FMO3: variants seen among roughly 807,000 people sequenced by gnomAD.
FMO3 encodes the protein flavin containing dimethylaniline monoxygenase 3, also known as flavin-containing monooxygenase 3.
In FMO3, 40 loss-of-function variants were observed where a neutral mutation model predicts 39.4. That is an observed-to-expected ratio of 1.02 (90% CI 0.79 to 1.32). FMO3 has a LOEUF of 1.32. Among genes scored for constraint, FMO3 ranks in the 40% most tolerant of loss-of-function variants. FMO3 has a pLI of 0.00. For synonymous variants in FMO3, 219 were observed against 228.8 expected, an observed-to-expected ratio of 0.96 and a Z score of 0.39; for missense variants, 680 against 651.8, an observed-to-expected ratio of 1.04 and a Z score of -0.47.
Position 171,117,685 on chromosome 1 carries a change from CAGA to C in FMO3, c.*245_*247del, listed in dbSNP as rs1656225438. 2.4e-6 allele frequency: 1 copy of C among 413,152 alleles called. No individual in the cohort carries two copies. The highest frequency in any genetic ancestry group is 2.0e-5 in the African/African-American group (1 of 49,532). 25.6% of individuals were successfully genotyped at this position (413,152 alleles called of 1,614,324 possible). A position where few individuals can be genotyped will look rare whatever the true frequency, so the allele number is the denominator to read the frequency against. On this transcript the variant is annotated 3_prime_UTR_variant, in exon 9 of 9. Transcript: ENST00000367755. ...TTGAGTTCCACTAACACTTCAAAATCAGAACTATGTTCTTTATATCTAACTTAA... is the reference window on the plus strand; with the variant it reads ...TTGAGTTCCACTAACACTTCAAAATCACTATGTTCTTTATATCTAACTTAA...
intron 2 of FMO3, among the ~76,000 whole-genome samples, chr1:171,098,274 G>T (rs968228749): frequency 6.6e-6 from 1 of 152,136 alleles, no homozygotes; most frequent in African/African-American, 2.4e-5. Context: ...GGCAATGCGG[G>T]CTCTTTTTTG....
intron 2 of FMO3, among the ~76,000 whole-genome samples, chr1:171,096,127 A>G (rs1485642170): frequency 1.4e-5 from 1 of 69,280 alleles, no homozygotes; most frequent in East Asian, 4.1e-4. Flanking sequence ...TATTAATAAT[A>G]TAGTAATTAT....
chr1:171,113,336 T>G (rs972134490), intron 6 of FMO3, among the ~76,000 whole-genome samples: 2 of 152,278 alleles, frequency 1.3e-5, no homozygotes. Flanking sequence ...AATTCCTGGG[T>G]GCTCCCTCCT....
chr1:171,097,476 T>C (rs1476721172), intron 2 of FMO3, among the ~76,000 whole-genome samples: 1 of 125,438 alleles, frequency 8.0e-6, no homozygotes, highest in Admixed American at 8.5e-5. Flanking sequence ...TTTTAATGAC[T>C]GCCATTCTAA....
At chr1:171,093,083 T>C (rs1654791064) in intron 2 of FMO3, among the ~76,000 whole-genome samples, 1 of 151,958 alleles carries the variant, frequency 6.6e-6, no homozygotes, top group African/African-American at 2.4e-5. Flanking sequence ...TTTATGTAGT[T>C]ATAATTATTT....
rs1411720859 is a variant in FMO3 at position 171,113,909 on chromosome 1, C to A, written c.828-98C>A. ...ACTCTATGCCTCAGAAAAAAAAAAT[C>A]TTGGGTCATTTTTTCCTTCCTTATC... On this transcript the variant is annotated intron_variant, in intron 6 of 8. Transcript: ENST00000367755. 7.1e-6 allele frequency: 6 copies of A among 847,758 alleles called. No homozygotes were observed. The East Asian group carries it at 8.1e-5, about 11-fold the overall frequency. The allele number at this position is 847,758 out of a possible 1,614,324, so 52.5% of individuals were successfully genotyped here.
chr1:171,099,335 G>T (rs914209689), intron 2 of FMO3, among the ~76,000 whole-genome samples: 2 of 152,124 alleles, frequency 1.3e-5, no homozygotes, highest in Admixed American at 1.3e-4. Flanking sequence ...GTCAATTTTG[G>T]ATTAGGTGTG....
Position 171,114,289 on chromosome 1 carries a change from C to T in FMO3, c.1110C>T (p.Gly370=). ...AGAAGTCAACCATAGCAGTGATTGG[C>T]TTTGTCCAGTCCCTTGGGGCTGCCA... The part of the protein sequence containing the change: ...LLEKSTIAVI[G]FVQSLGAAIP... Residue 370 remains glycine, a synonymous_variant, in exon 7 of 9, where the codon GGC becomes GGT. Transcript: ENST00000367755. The T allele has an allele frequency of 6.2e-7, 1 of 1,613,918 alleles. No homozygotes were observed. Among genetic ancestry groups the T allele is most frequent in the Non-Finnish European group, 8.5e-7 (1 of 1,179,944 alleles).
intron 2 of FMO3, among the ~76,000 whole-genome samples, chr1:171,093,370 T>A (rs920014933): frequency 6.6e-6 from 1 of 152,168 alleles, no homozygotes; most frequent in African/African-American, 2.4e-5. Flanking sequence ...AGTGAGAGAA[T>A]ATGTGGTATT....
intron 2 of FMO3, among the ~76,000 whole-genome samples, chr1:171,096,024 T>TAC (rs1557932938): frequency 4.3e-5 from 2 of 46,330 alleles, no homozygotes; most frequent in African/African-American, 2.6e-4. Flanking sequence ...TATTATATAT[T>TAC]AATATATAAT....
chr1:171,104,079 C>A, intron 3 of FMO3, 106 bp downstream of exon 3: 1 of 862,506 alleles, frequency 1.2e-6, no homozygotes, highest in African/African-American at 1.7e-5. Flanking sequence ...AATTTGTCAA[C>A]ATTTTTAACA....
chr1:171,116,600 T>C (rs1656165258), intron 8 of FMO3, among the ~76,000 whole-genome samples: 1 of 152,142 alleles, frequency 6.6e-6, no homozygotes, highest in Non-Finnish European at 1.5e-5. Context: ...TCAGAGGAGT[T>C]TGGGAACACA....
intron 2 of FMO3, among the ~76,000 whole-genome samples, chr1:171,099,453 TG>T (rs1321314545): frequency 1.3e-5 from 2 of 152,322 alleles, no homozygotes; most frequent in South Asian, 2.1e-4. Context: ...TAGGGCTTTT[TG>T]GTTGTTGTTA....
rs558810841 is a variant in FMO3, at chr1:171,095,811, T to G, written c.132+3021T>G. Among the ~76,000 whole-genome samples, 447 of 114,920 alleles carry G rather than the reference T, an allele frequency of 3.9e-3. 5 individuals carry two copies. Among genetic ancestry groups the G allele is most frequent in the African/African-American group, 0.013 (415 of 31,122 alleles). The allele number at this position is 114,920 out of a possible 152,430, so 75.4% of individuals were successfully genotyped here. On this transcript the variant is annotated intron_variant, in intron 2 of 8. Transcript: ENST00000367755. The stretch of plus-strand genomic sequence containing the variant: ...ATATATAAAAAATATAAATATATAT[T>G]TATATAACTATATAGATTAAATATA...
chr1:171,116,415 A>AT, intron 8 of FMO3, 135 bp downstream of exon 8: 5 of 602,898 alleles, frequency 8.3e-6, no homozygotes, highest in Middle Eastern at 4.5e-4. Context: ...ATATTCATCC[A>AT]TTCAACAAAT....
Position 171,116,378 on chromosome 1 carries a change from A to G in FMO3, c.1256+98A>G. ...TTTTAATCTTAAATTATCCTGAATG[A>G]CATCATTGGAATGACAACTACAAGC... is the stretch of plus-strand genomic sequence containing the variant. On this transcript the variant is annotated intron_variant, in intron 8 of 8. Coordinates refer to ENST00000367755, the MANE Select transcript of FMO3 (RefSeq NM_001002294.3). 4.3e-6 allele frequency: 3 copies of G among 694,882 alleles called. No individual in the cohort carries two copies. The South Asian group carries it at 5.5e-5, about 13-fold the overall frequency. 43.0% of individuals were successfully genotyped at this position (694,882 alleles called of 1,614,324 possible).
At chr1:171,093,887 G>T (rs7886526) in intron 2 of FMO3, among the ~76,000 whole-genome samples, 69,457 of 141,556 alleles carry the variant, frequency 0.49, 17,344 homozygotes, top group African/African-American at 0.55. Flanking sequence ...CAGGCTGGAG[G>T]GCAGTGGCGC....
intron 3 of FMO3, among the ~76,000 whole-genome samples, chr1:171,104,924 A>G (rs1298191156): frequency 1.3e-5 from 2 of 152,124 alleles, no homozygotes; most frequent in Non-Finnish European, 2.9e-5. Flanking sequence ...GTAAGGAAAA[A>G]ATAATCAAAG....
intron 3 of FMO3, among the ~76,000 whole-genome samples, chr1:171,106,697 C>G (rs1040958800): frequency 5.9e-5 from 9 of 152,064 alleles, no homozygotes; most frequent in Non-Finnish European, 8.8e-5. Context: ...ATGTGATTCT[C>G]TATGTAGTAA....
Sources: allele counts gnomAD v4.1 joint callset (sites outside exome capture counted in the v4.1 genomes callset), GRCh38; gene constraint gnomAD v4.1.1; transcripts MANE v1.5; gene names NCBI Gene and HGNC (gene_info 2026-07-23, HGNC 2026-07-21).